The following MYBPC1 variants were observed in gnomAD, a reference collection of about 807,000 sequenced individuals.
MYBPC1 encodes the protein myosin-binding protein C, slow-type.
MYBPC1 carries 52 observed loss-of-function variants against 147.1 expected under a neutral mutation model. The observed-to-expected ratio is 0.35, with a 90% CI of 0.28 to 0.45. MYBPC1 has a LOEUF of 0.45. Among genes scored for constraint, MYBPC1 ranks in the 20% least tolerant of loss-of-function variants. The pLI is 1.00. For missense variants in MYBPC1, 1,228 were observed against 1,440.3 expected (o/e 0.85, Z 2.39); for synonymous variants, 477 against 475.9 (o/e 1.00, Z -0.03).
At chr12:101,668,243 T>A (rs939581646) in intron 23 of MYBPC1, among the ~76,000 whole-genome samples, 1 of 152,136 alleles carries the variant, frequency 6.6e-6, no homozygotes, top group African/African-American at 2.4e-5. Flanking sequence ...CCAATGAATC[T>A]GCAGGGTCAG....
At position 101,614,526 on chromosome 12, in the gene MYBPC1, C is replaced by A. The variant is rs747838926; in HGVS notation, c.56C>A (p.Pro19Gln). The A allele has an allele frequency of 6.2e-7, 1 of 1,613,682 alleles. No homozygotes were observed. Among genetic ancestry groups the A allele is most frequent in the Middle Eastern group, 1.7e-4 (1 of 6,002 alleles). ...ENEVPAPAPPPEEPSKEKEAG... is the reference protein window; with the variant it reads ...ENEVPAPAPPQEEPSKEKEAG... ...GAAGTGCCAGCCCCAGCCCCACCCC[C>A]GGAAGGTGAGTAAAAACACTCACTC... Residue 19 changes from proline to glutamine, a missense_variant, in exon 2 of 32, where the codon CCG (proline) becomes CAG (glutamine). Pro to Gln is a moderately conservative substitution (Grantham distance 76). Transcript: ENST00000361466.
Position 101,684,413 on chromosome 12 carries a change from A to T in MYBPC1, c.*8A>T, listed in dbSNP as rs1594102971. 6.3e-7 allele frequency: 1 copy of T among 1,586,114 alleles called. No individual in the cohort carries two copies. Among genetic ancestry groups the T allele is most frequent in the East Asian group, 2.2e-5 (1 of 44,698 alleles). On this transcript the variant is annotated 3_prime_UTR_variant, in exon 31 of 32. Transcript: ENST00000361466. Reference sequence around the variant, plus strand: ...CACAATAAGGATTTTTGAATGTATAATATCATCTAAGGTAAGCTTTCATAT... The same window carrying T: ...CACAATAAGGATTTTTGAATGTATATTATCATCTAAGGTAAGCTTTCATAT...
At chr12:101,665,698 CT>C (rs771391611) in intron 22 of MYBPC1, among the ~76,000 whole-genome samples, 2 of 152,120 alleles carry the variant, frequency 1.3e-5, no homozygotes, top group Non-Finnish European at 2.9e-5. Flanking sequence ...TTTGTTCCCC[CT>C]CTGGTCTTGT....
rs945462319 is a variant in MYBPC1 at position 101,662,562 on chromosome 12, T to A, written c.2221+16T>A. ...GTTCCTTTGGGTAAGTCAAGAGAGA[T>A]GAGTCTTTGTCATCAGAATCATTGC... On this transcript the variant is annotated intron_variant, in intron 21 of 31. Coordinates refer to ENST00000361466, the MANE Select transcript of MYBPC1 (RefSeq NM_002465.4). 1 of 1,612,488 alleles carries A rather than the reference T, an allele frequency of 6.2e-7. No homozygotes were observed. Among genetic ancestry groups the A allele is most frequent in the African/African-American group, 1.3e-5 (1 of 74,894 alleles).
At chr12:101,689,080 A>G (rs1297017403), downstream of MYBPC1, among the ~76,000 whole-genome samples, 4 of 152,342 alleles carry the variant, frequency 2.6e-5, no homozygotes, top group East Asian at 3.8e-4. Context: ...AGAGAGCACT[A>G]TAACAATGCA....
intron 19 of MYBPC1, 47 bp from the exon 20 acceptor site, chr12:101,661,111 A>G (rs1482486131): frequency 8.0e-7 from 1 of 1,249,326 alleles, no homozygotes; most frequent in East Asian, 2.3e-5. Context: ...TTTTTTTTCT[A>G]CTCCCTCTTC....
Position 101,680,402 on chromosome 12 carries a change from GTTCA to G in MYBPC1, c.3307_3310del (p.Phe1103AlafsTer40), listed in dbSNP as rs1276190235. ...TTGTGGATGATCCAAGATACAGGAT[GTTCA>G]GCAACCAGGGAGTCTGTACCCTGGA... On this transcript the variant is annotated frameshift_variant, in exon 29 of 32. Transcript: ENST00000361466. LOFTEE classifies it high-confidence loss of function. 2 of 1,613,968 alleles carry G rather than the reference GTTCA, an allele frequency of 1.2e-6. No homozygotes were observed. The highest frequency in any genetic ancestry group is 1.7e-6 in the Non-Finnish European group (2 of 1,179,996).
At chr12:101,656,104 T>A (rs2136354950) in intron 18 of MYBPC1, among the ~76,000 whole-genome samples, 1 of 152,224 alleles carries the variant, frequency 6.6e-6, no homozygotes, top group East Asian at 1.9e-4. Context: ...ACCACTGTAG[T>A]GTTGTTTGAA....
At position 101,685,644 on chromosome 12, in the gene MYBPC1, C is replaced by T; in HGVS notation, c.*82C>T. 1 of 1,533,802 alleles carries T rather than the reference C, an allele frequency of 6.5e-7. No homozygotes were observed. The highest frequency in any genetic ancestry group is 1.2e-5 in the South Asian group (1 of 83,976). ...ACCTCCAAACATAATTGATTCGTAT[C>T]TGCGAGACTTACACTCAAGCAATCC... On this transcript the variant is annotated 3_prime_UTR_variant, in exon 32 of 32. Transcript: ENST00000361466.
At chr12:101,684,475 A>C (rs1951230621) in intron 31 of MYBPC1, 51 bp downstream of exon 31, 3 of 1,373,186 alleles carry the variant, frequency 2.2e-6, no homozygotes, top group Non-Finnish European at 2.1e-6. Flanking sequence ...GTCATAAGCC[A>C]TACCAAGCCT....
chr12:101,690,133 C>T (rs150205337), downstream of MYBPC1, among the ~76,000 whole-genome samples: 1,107 of 152,180 alleles, frequency 7.3e-3, 14 homozygotes, highest in African/African-American at 0.024. Flanking sequence ...CAAGATCGTG[C>T]CATTGCACTC....
chr12:101,660,264 C>T (rs552624461), intron 19 of MYBPC1: 5 of 258,752 alleles, frequency 1.9e-5, no homozygotes, highest in African/African-American at 1.1e-4. Flanking sequence ...TGACATATTT[C>T]AAATTGACCA....
At chr12:101,626,816 G>A (rs925656073) in intron 3 of MYBPC1, 56 bp from the exon 4 acceptor site, 2 of 1,380,254 alleles carry the variant, frequency 1.4e-6, no homozygotes, top group Admixed American at 1.7e-5. Context: ...CTTTTCTCAG[G>A]TTACTTGGGA....
intron 15 of MYBPC1, 111 bp downstream of exon 15, chr12:101,649,537 A>G (rs1476016386): frequency 7.8e-7 from 1 of 1,283,220 alleles, no homozygotes; most frequent in Admixed American, 1.7e-5. Flanking sequence ...ATTTTTAAGT[A>G]TGTAAAATGG....
intron 23 of MYBPC1, chr12:101,670,010 A>G (rs1594026395): frequency 2.2e-6 from 1 of 453,482 alleles, no homozygotes; most frequent in South Asian, 2.1e-5. Context: ...GTATTTTTCT[A>G]TAAAGTTGCT....
At chr12:101,606,237 A>ACAC in intron 1 of MYBPC1, among the ~76,000 whole-genome samples, 1 of 123,458 alleles carries the variant, frequency 8.1e-6, no homozygotes. Flanking sequence ...CACACACACA[A>ACAC]GAATGCACAA....
chr12:101,656,579 C>T lies in MYBPC1; in HGVS notation c.1768-3093C>T, dbSNP rs113822285. Reference sequence around the variant, plus strand: ...GCTTCAGACAATGCAGACTACAAAGCGAAGAAATTTATCTGGAATAGAAAT... The same window carrying T: ...GCTTCAGACAATGCAGACTACAAAGTGAAGAAATTTATCTGGAATAGAAAT... On this transcript the variant is annotated intron_variant, in intron 18 of 31. Coordinates refer to ENST00000361466, the MANE Select transcript of MYBPC1 (RefSeq NM_002465.4). 5.7e-3 allele frequency among the ~76,000 whole-genome samples: 868 copies of T among 152,046 alleles called. 11 individuals carry two copies. The highest frequency in any genetic ancestry group is 0.02 in the African/African-American group (832 of 41,496).
chr12:101,666,999 CTT>C (rs1331495578), intron 22 of MYBPC1, among the ~76,000 whole-genome samples: 3 of 151,714 alleles, frequency 2.0e-5, no homozygotes, highest in Non-Finnish European at 4.4e-5. Context: ...TCAAAGTCTT[CTT>C]TCTTTCTGTG....
chr12:101,605,383 G>T (rs1037789912), intron 1 of MYBPC1, among the ~76,000 whole-genome samples: 1 of 152,146 alleles, frequency 6.6e-6, no homozygotes, highest in Non-Finnish European at 1.5e-5. Context: ...TTTCCAAAGA[G>T]ATTTGCAATA....
Sources: gnomAD v4.1 joint callset for allele counts (sites outside exome capture counted in the v4.1 genomes callset) on GRCh38, gnomAD v4.1.1 for gene constraint, MANE v1.5 for transcripts, NCBI Gene and HGNC (gene_info 2026-07-23, HGNC 2026-07-21) for gene names.